The following PDGFRL variants were observed in gnomAD, a reference collection of about 807,000 sequenced individuals.
PDGFRL encodes platelet-derived growth factor receptor-like protein.
A neutral mutation model predicts 37.2 loss-of-function variants in PDGFRL; 46 were observed. The ratio of observed to expected loss-of-function variants is 1.24; its 90% CI spans 0.98 to 1.58. The LOEUF is 1.58. PDGFRL is among the 40% of genes most tolerant of loss of function. The pLI, the probability that PDGFRL is intolerant of heterozygous loss-of-function variation, is 0.00. For synonymous variants in PDGFRL, 251 were observed against 184.3 expected (o/e 1.36, Z -2.93); for missense variants, 692 against 467.6 (o/e 1.48, Z -4.43).
intron 4 of PDGFRL, among the ~76,000 whole-genome samples, chr8:17,632,703 G>A (rs772104373): frequency 2.0e-5 from 3 of 152,064 alleles, no homozygotes; most frequent in South Asian, 2.1e-4. Context: ...AATCCTTTGC[G>A]TGGCCTGAAT....
At chr8:17,636,812 C>G (rs999638806) in intron 5 of PDGFRL, among the ~76,000 whole-genome samples, 2 of 152,044 alleles carry the variant, frequency 1.3e-5, no homozygotes, top group African/African-American at 4.8e-5. Flanking sequence ...TTGTAGTTTT[C>G]CTTGCAGAGG....
intron 1 of PDGFRL, among the ~76,000 whole-genome samples, chr8:17,583,213 C>T (rs1463898452): frequency 1.3e-5 from 2 of 152,166 alleles, no homozygotes; most frequent in African/African-American, 4.8e-5. Flanking sequence ...AGAACTAACA[C>T]AGAGAGTCCC....
chr8:17,611,454 C>T (rs779281024), intron 2 of PDGFRL, among the ~76,000 whole-genome samples: 38 of 152,174 alleles, frequency 2.5e-4, no homozygotes, highest in African/African-American at 8.0e-4. Context: ...TGCTCTTAAC[C>T]GCCCTTTTAC....
intron 1 of PDGFRL, among the ~76,000 whole-genome samples, chr8:17,584,564 G>A (rs573995560): frequency 2.0e-5 from 3 of 152,180 alleles, no homozygotes; most frequent in Admixed American, 6.5e-5. Context: ...CAGTGACACA[G>A]GAGGAAAACC....
intron 3 of PDGFRL, among the ~76,000 whole-genome samples, chr8:17,624,027 C>T (rs1482639298): frequency 6.6e-6 from 1 of 151,882 alleles, no homozygotes; most frequent in Non-Finnish European, 1.5e-5. Context: ...TGCTGTAACA[C>T]ATTTGACCTA....
At chr8:17,625,417 C>CG (rs1419591307) in intron 3 of PDGFRL, among the ~76,000 whole-genome samples, 1 of 150,626 alleles carries the variant, frequency 6.6e-6, no homozygotes. Context: ...CCCAAAGTGC[C>CG]GGGATTACAG....
intron 1 of PDGFRL, among the ~76,000 whole-genome samples, chr8:17,580,850 C>T (rs941375198): frequency 6.6e-6 from 1 of 152,086 alleles, no homozygotes; most frequent in Non-Finnish European, 1.5e-5. Flanking sequence ...TTGTGGTCAG[C>T]AACCCCTTGG....
chr8:17,642,442 A>G (rs1016995681), intron 5 of PDGFRL, among the ~76,000 whole-genome samples, 171 bp from the exon 6 acceptor site: 4 of 152,230 alleles, frequency 2.6e-5, no homozygotes, highest in Non-Finnish European at 4.4e-5. Context: ...TGCAACCTAA[A>G]ATGATTCCAG....
chr8:17,609,567 G>T (rs2517200), intron 2 of PDGFRL, among the ~76,000 whole-genome samples: 141,421 of 145,816 alleles, frequency 0.97, 68,735 homozygotes, highest in East Asian at 1. Context: ...GAACCTGGGA[G>T]GTGGAGGTTG....
chr8:17,603,620 C>G lies in PDGFRL; in HGVS notation c.353+13855C>G, dbSNP rs1456352072. Among the ~76,000 whole-genome samples, 8 of 152,286 alleles carry G rather than the reference C, an allele frequency of 5.3e-5. No individual in the cohort carries two copies. The South Asian group carries it at 6.2e-4, about 12-fold the overall frequency. On this transcript the variant is annotated intron_variant, in intron 2 of 5. Coordinates refer to ENST00000251630, the MANE Select transcript of PDGFRL (RefSeq NM_001372073.1). ...TGTTTCTTGACTCCTCTGCCCTGTTCCTTTCTTCCCACTGTTTTATCATAA... is the reference window on the plus strand; with the variant it reads ...TGTTTCTTGACTCCTCTGCCCTGTTGCTTTCTTCCCACTGTTTTATCATAA...
At chr8:17,609,553 G>C (rs745935984) in intron 2 of PDGFRL, among the ~76,000 whole-genome samples, 1 of 137,144 alleles carries the variant, frequency 7.3e-6, no homozygotes, top group Non-Finnish European at 1.5e-5. Flanking sequence ...CAGGAGAATC[G>C]CTTGAACCTG....
intron 2 of PDGFRL, among the ~76,000 whole-genome samples, chr8:17,609,368 G>T (rs190158906): frequency 3.1e-4 from 47 of 152,048 alleles, no homozygotes; most frequent in African/African-American, 1.0e-3. Flanking sequence ...TTAGCCAGGT[G>T]TGGTAGTGGG....
chr8:17,610,525 T>A (rs1416748391), intron 2 of PDGFRL, among the ~76,000 whole-genome samples: 1 of 152,204 alleles, frequency 6.6e-6, no homozygotes, highest in Non-Finnish European at 1.5e-5. Context: ...GTTCCAAGCA[T>A]TTTGGATAAG....
intron 3 of PDGFRL, among the ~76,000 whole-genome samples, chr8:17,622,794 G>A (rs941538766): frequency 1.3e-5 from 2 of 152,210 alleles, no homozygotes; most frequent in African/African-American, 2.4e-5. Flanking sequence ...ATGTTCCCTC[G>A]GTAGGGCTGG....
chr8:17,611,595 C>G (rs147871042), intron 2 of PDGFRL, among the ~76,000 whole-genome samples: 5 of 152,060 alleles, frequency 3.3e-5, no homozygotes, highest in Admixed American at 1.3e-4. Flanking sequence ...GAAAATGAGC[C>G]GATGTGTCTG....
At chr8:17,592,367 T>C (rs1387158891) in intron 2 of PDGFRL, among the ~76,000 whole-genome samples, 1 of 152,164 alleles carries the variant, frequency 6.6e-6, no homozygotes, top group Non-Finnish European at 1.5e-5. Flanking sequence ...CCATCTCTGA[T>C]ACTGCGGTGA....
chr8:17,630,452 C>G (rs905551365), intron 4 of PDGFRL, among the ~76,000 whole-genome samples: 2 of 152,140 alleles, frequency 1.3e-5, no homozygotes, highest in Non-Finnish European at 2.9e-5. Flanking sequence ...TCGAGTTTCC[C>G]TTTGATATCC....
chr8:17,609,036 T>C (rs1804347788), intron 2 of PDGFRL, among the ~76,000 whole-genome samples: 1 of 151,980 alleles, frequency 6.6e-6, no homozygotes, highest in African/African-American at 2.4e-5. Context: ...CTGAGCAAAA[T>C]AGTGAGACCC....
intron 1 of PDGFRL, among the ~76,000 whole-genome samples, chr8:17,578,414 T>G (rs760470407): frequency 5.3e-5 from 8 of 152,204 alleles, no homozygotes; most frequent in Non-Finnish European, 7.3e-5. Context: ...TACTTGAAGT[T>G]GAGCATGAGG....
Sources: allele counts gnomAD v4.1 joint callset (sites outside exome capture counted in the v4.1 genomes callset), GRCh38; gene constraint gnomAD v4.1.1; transcripts MANE v1.5; gene names NCBI Gene and HGNC (gene_info 2026-07-23, HGNC 2026-07-21).